ERC2: variants seen among roughly 807,000 people sequenced by gnomAD.
ERC2 encodes ELKS/RAB6-interacting/CAST family member 2.
In ERC2, 42 loss-of-function variants were observed where a neutral mutation model predicts 114.8. That is an observed-to-expected ratio of 0.37 (90% CI 0.29 to 0.47). The LOEUF (loss-of-function observed/expected upper bound fraction) is 0.47, where lower values mean the gene tolerates loss of function less well. ERC2 is among the 20% of genes least tolerant of loss of function. ERC2 has a pLI of 0.99. For missense variants in ERC2, 939 were observed against 1,150.7 expected, an observed-to-expected ratio of 0.82 and a Z score of 2.66; for synonymous variants, 454 against 425.5, an observed-to-expected ratio of 1.07 and a Z score of -0.82.
At chr3:56,192,449 G>A (rs984948825) in intron 3 of ERC2, among the ~76,000 whole-genome samples, 13 of 152,046 alleles carry the variant, frequency 8.6e-5, no homozygotes, top group Admixed American at 7.2e-4. Flanking sequence ...ATTTCTACTC[G>A]ATAGTGTTCC....
At chr3:55,686,247 C>T (rs565048313) in intron 16 of ERC2, among the ~76,000 whole-genome samples, 5 of 152,196 alleles carry the variant, frequency 3.3e-5, no homozygotes, top group African/African-American at 1.2e-4. Context: ...TATGACAGTC[C>T]AATGTAAACT....
chr3:56,119,366 T>C (rs1327867087), intron 6 of ERC2, among the ~76,000 whole-genome samples: 1 of 152,228 alleles, frequency 6.6e-6, no homozygotes, highest in Non-Finnish European at 1.5e-5. Flanking sequence ...GTTCAGATTA[T>C]TATTTAATCT....
intron 14 of ERC2, among the ~76,000 whole-genome samples, chr3:55,853,826 A>G (rs933149910): frequency 1.3e-5 from 2 of 152,208 alleles, no homozygotes; most frequent in East Asian, 3.9e-4. Flanking sequence ...AAAGAATTAC[A>G]GAAGTGGGTG....
chr3:56,006,606 C>T (rs1431456006), intron 10 of ERC2, among the ~76,000 whole-genome samples: 6 of 152,034 alleles, frequency 3.9e-5, no homozygotes, highest in African/African-American at 9.7e-5. Flanking sequence ...ATGTTAATGC[C>T]GCCATGTAAA....
At chr3:56,456,320 G>C (rs1234801255) in intron 1 of ERC2, among the ~76,000 whole-genome samples, 1 of 152,180 alleles carries the variant, frequency 6.6e-6, no homozygotes, top group Non-Finnish European at 1.5e-5. Flanking sequence ...CAAAGGATTA[G>C]GTTACATACT....
At chr3:55,529,400 A>C (rs1447714754) in intron 17 of ERC2, among the ~76,000 whole-genome samples, 2 of 152,200 alleles carry the variant, frequency 1.3e-5, no homozygotes, top group African/African-American at 2.4e-5. Flanking sequence ...AAACTCTTAG[A>C]GGAAAGAGAA....
chr3:55,900,826 G>A (rs947167690), intron 13 of ERC2, among the ~76,000 whole-genome samples: 1 of 152,234 alleles, frequency 6.6e-6, no homozygotes, highest in Non-Finnish European at 1.5e-5. Flanking sequence ...GAGCCATACT[G>A]TAGAAAGGTA....
intron 8 of ERC2, among the ~76,000 whole-genome samples, chr3:56,014,734 T>G (rs1329383843): frequency 6.6e-6 from 1 of 152,014 alleles, no homozygotes; most frequent in Non-Finnish European, 1.5e-5. Flanking sequence ...ACATGAAAAA[T>G]TATATGGTAT....
At chr3:56,045,441 T>C (rs879274119) in intron 7 of ERC2, among the ~76,000 whole-genome samples, 5 of 152,122 alleles carry the variant, frequency 3.3e-5, no homozygotes, top group Admixed American at 2.6e-4. Context: ...CAGCCTTATC[T>C]TTCCAGAGCC....
chr3:56,170,586 T>G (rs796184655), intron 4 of ERC2, among the ~76,000 whole-genome samples: 1 of 12,606 alleles, frequency 7.9e-5, no homozygotes, highest in Non-Finnish European at 3.2e-4. Context: ...ATCTCTTCTG[T>G]TTTTTTTTTT....
intron 12 of ERC2, among the ~76,000 whole-genome samples, chr3:55,959,974 G>C (rs968073822): frequency 9.9e-5 from 15 of 152,230 alleles, no homozygotes; most frequent in African/African-American, 3.6e-4. Flanking sequence ...ATATCCACCT[G>C]GTGCCTCAAA....
chr3:56,258,856 A>G (rs1212697700), intron 3 of ERC2, among the ~76,000 whole-genome samples: 3 of 152,206 alleles, frequency 2.0e-5, no homozygotes, highest in Non-Finnish European at 4.4e-5. Context: ...ACTTTGATTT[A>G]TTTTCATTTT....
chr3:55,799,665 A>G (rs1575636774), intron 14 of ERC2, among the ~76,000 whole-genome samples: 1 of 151,966 alleles, frequency 6.6e-6, no homozygotes, highest in Non-Finnish European at 1.5e-5. Flanking sequence ...AGGCCACTGT[A>G]TGGTGCCATC....
At chr3:55,648,967 A>G (rs1232669952) in intron 17 of ERC2, among the ~76,000 whole-genome samples, 1 of 152,176 alleles carries the variant, frequency 6.6e-6, no homozygotes, top group Non-Finnish European at 1.5e-5. Context: ...ACTCTGTAGC[A>G]GTTGAACAAG....
At chr3:55,623,357 GAAGTA>G (rs771076602) in intron 17 of ERC2, among the ~76,000 whole-genome samples, 3 of 152,198 alleles carry the variant, frequency 2.0e-5, no homozygotes, top group Non-Finnish European at 2.9e-5. Context: ...GAGAACTACA[GAAGTA>G]AAGACCCCTA....
chr3:55,546,159 C>T (rs2054734085), intron 17 of ERC2, among the ~76,000 whole-genome samples: 3 of 152,136 alleles, frequency 2.0e-5, no homozygotes, highest in Non-Finnish European at 4.4e-5. Flanking sequence ...AGAAGAATAA[C>T]GGCGACAGCA....
intron 3 of ERC2, among the ~76,000 whole-genome samples, chr3:56,258,641 G>A (rs896585653): frequency 6.6e-5 from 10 of 152,180 alleles, no homozygotes; most frequent in Admixed American, 1.3e-4. Context: ...GCAACACAGC[G>A]AGACTCCGTC....
chr3:55,578,650 T>A (rs7631822), intron 17 of ERC2, among the ~76,000 whole-genome samples: 54,759 of 152,120 alleles, frequency 0.36, 10,496 homozygotes, highest in African/African-American at 0.49. Context: ...TCACCTCAAA[T>A]CTTAGTGGCT....
intron 6 of ERC2, among the ~76,000 whole-genome samples, chr3:56,088,103 C>T (rs2077600061): frequency 6.6e-6 from 1 of 152,058 alleles, no homozygotes; most frequent in Admixed American, 6.6e-5. Context: ...CCTGTCTGTT[C>T]CATACCACAC....
Sources: allele counts gnomAD v4.1 joint callset (sites outside exome capture counted in the v4.1 genomes callset), GRCh38; gene constraint gnomAD v4.1.1; transcripts MANE v1.5; gene names NCBI Gene and HGNC (gene_info 2026-07-23, HGNC 2026-07-21).